LRRN3: variants seen among roughly 807,000 people sequenced by gnomAD.
The protein encoded by LRRN3 is leucine rich repeat neuronal 3.
Under a neutral mutation model 40.1 loss-of-function variants are expected in LRRN3, and 15 were observed. The ratio of observed to expected loss-of-function variants is 0.37; its 90% CI spans 0.25 to 0.58. LRRN3 has a LOEUF of 0.58. Among genes scored for constraint, LRRN3 ranks in the 20% least tolerant of loss-of-function variants. The pLI is 0.72. For missense variants in LRRN3, 746 were observed against 837.7 expected (o/e 0.89, Z 1.35); for synonymous variants, 308 against 297.2 (o/e 1.04, Z -0.37).
At chr7:111,110,730 C>T (rs556827463) in intron 2 of LRRN3, among the ~76,000 whole-genome samples, 152 of 152,240 alleles carry the variant, frequency 1.0e-3, no homozygotes, top group African/African-American at 3.4e-3. Context: ...TGAACTATTT[C>T]TGCAGTAGAC....
chr7:111,105,901 T>C (rs1347668273), intron 2 of LRRN3, among the ~76,000 whole-genome samples: 2 of 151,942 alleles, frequency 1.3e-5, no homozygotes, highest in South Asian at 2.1e-4. Flanking sequence ...ACTCCACTGA[T>C]GTATGTATCA....
chr7:111,123,295 A>G lies in LRRN3; in HGVS notation c.523A>G (p.Arg175Gly), dbSNP rs1800875996. 6.2e-7 allele frequency: 1 copy of G among 1,613,742 alleles called. No individual in the cohort carries two copies. Among genetic ancestry groups the G allele is most frequent in the Admixed American group, 1.7e-5 (1 of 59,938 alleles). Reference protein sequence around the residue: ...NLLRLHLNSNRLQMINSKWFD... With the variant: ...NLLRLHLNSNGLQMINSKWFD... Reference sequence around the variant, plus strand: ...TCTTCGACTTCATCTCAATTCAAATAGATTGCAGATGATCAACAGTAAGTG... The same window carrying G: ...TCTTCGACTTCATCTCAATTCAAATGGATTGCAGATGATCAACAGTAAGTG... Residue 175 changes from arginine to glycine, a missense_variant, in exon 3 of 3, where the codon AGA (arginine) becomes GGA (glycine). Transcript: ENST00000308478. This position sits in a 1 kb window ranked among gnomAD's most constrained non-coding sequence, Gnocchi z 6.4.
At chr7:111,120,661 G>A (rs983807554) in intron 2 of LRRN3, among the ~76,000 whole-genome samples, 4 of 152,114 alleles carry the variant, frequency 2.6e-5, no homozygotes, top group African/African-American at 4.8e-5. Flanking sequence ...CTTTAGTTAC[G>A]AATGATAACA....
At chr7:111,095,537 T>C (rs1797312695) in intron 1 of LRRN3, among the ~76,000 whole-genome samples, 1 of 152,020 alleles carries the variant, frequency 6.6e-6, no homozygotes, top group Admixed American at 6.6e-5. Flanking sequence ...ATTAAGTATA[T>C]AACACCCAAA....
intron 2 of LRRN3, among the ~76,000 whole-genome samples, chr7:111,102,756 G>A (rs1482471374): frequency 6.6e-6 from 1 of 151,370 alleles, no homozygotes; most frequent in Non-Finnish European, 1.5e-5. Context: ...ACTACTCTGG[G>A]ACATTCCATC....
At chr7:111,122,011 T>G (rs1215877029) in intron 2 of LRRN3, among the ~76,000 whole-genome samples, 1 of 143,624 alleles carries the variant, frequency 7.0e-6, no homozygotes, top group Non-Finnish European at 1.5e-5. Context: ...TTCTCACTCA[T>G]AGTTGGGAAC....
In LRRN3 at chr7:111,123,298, T is replaced by C. The variant is rs982110065; in HGVS notation, c.526T>C (p.Leu176=). 2 of 1,613,844 alleles carry C rather than the reference T, an allele frequency of 1.2e-6. No individual in the cohort carries two copies. The highest frequency in any genetic ancestry group is 1.7e-6 in the Non-Finnish European group (2 of 1,179,924). The change falls in exon 3 of 3, where the codon TTG becomes CTG. Residue 176 remains leucine (L), a synonymous_variant. Coordinates refer to ENST00000308478, the MANE Select transcript of LRRN3 (RefSeq NM_001099658.2). The surrounding 1 kb of genome is among the most constrained non-coding windows in gnomAD (Gnocchi z 6.4). ...TCGACTTCATCTCAATTCAAATAGA[T>C]TGCAGATGATCAACAGTAAGTGGTT... ...LLRLHLNSNR[L]QMINSKWFDA... is the part of the protein sequence containing the mutation.
chr7:111,103,715 C>T (rs1798231638), intron 2 of LRRN3, among the ~76,000 whole-genome samples: 1 of 151,676 alleles, frequency 6.6e-6, no homozygotes, highest in South Asian at 2.1e-4. Flanking sequence ...AGTAACCACT[C>T]TGTATGTGTC....
chr7:111,109,219 C>A (rs1455915002), intron 2 of LRRN3, among the ~76,000 whole-genome samples: 1 of 151,760 alleles, frequency 6.6e-6, no homozygotes. Context: ...ATGTTCATTG[C>A]CAGCTACATG....
At chr7:111,107,169 C>T (rs368963379) in intron 2 of LRRN3, among the ~76,000 whole-genome samples, 5 of 26,768 alleles carry the variant, frequency 1.9e-4, no homozygotes, top group African/African-American at 6.0e-4. Flanking sequence ...TCCTTCTTTC[C>T]CCTTTCCCTC....
Position 111,124,444 on chromosome 7 carries a change from G to A in LRRN3, c.1672G>A (p.Val558Ile). The A allele has an allele frequency of 1.2e-6, 2 of 1,613,818 alleles. No individual in the cohort carries two copies. Among genetic ancestry groups the A allele is most frequent in the Non-Finnish European group, 1.7e-6 (2 of 1,179,912 alleles). Residue 558 changes from valine (V) to isoleucine (I), a missense_variant, in exon 3 of 3, where the codon GTC (valine) becomes ATC (isoleucine). Transcript: ENST00000308478. ...LKSSVKWTAF[V>I]KTENSHAAQS... ...ATCTAGTGTTAAATGGACAGCCTTT[G>A]TCAAGACTGAAAATTCTCATGCTGC... is the stretch of plus-strand genomic sequence containing the variant.
rs974962741 is a variant in LRRN3 at position 111,116,912 on chromosome 7, T to G, written c.-358-5503T>G. Among the ~76,000 whole-genome samples, 43 of 152,234 alleles carry G rather than the reference T, an allele frequency of 2.8e-4. 1 individual carries two copies. Among genetic ancestry groups the G allele is most frequent in the Admixed American group, 2.8e-3 (43 of 15,298 alleles). On this transcript the variant is annotated intron_variant, in intron 2 of 2. Transcript: ENST00000308478. ...AGAACTTAGTGGTTAAGACTGAGCTTTAGAGGCAAAATGAAGGAATTTGAA... is the reference window on the plus strand; with the variant it reads ...AGAACTTAGTGGTTAAGACTGAGCTGTAGAGGCAAAATGAAGGAATTTGAA...
Position 111,091,305 on chromosome 7 carries a change from A to G in LRRN3, c.-640A>G, listed in dbSNP as rs1796838144. 1 of 152,194 alleles carries G rather than the reference A, an allele frequency of 6.6e-6. No individual in the cohort carries two copies. Among genetic ancestry groups the G allele is most frequent in the Non-Finnish European group, 1.5e-5 (1 of 68,042 alleles). 9.4% of individuals were successfully genotyped at this position (152,194 alleles called of 1,614,324 possible). On this transcript the variant is annotated 5_prime_UTR_variant, in exon 1 of 3. In the 5' UTR this introduces an upstream ATG that the reference lacks. Transcript: ENST00000308478. ...GCTGCAGCCTCCTGCCTTCCTTTAT[A>G]TTTTAAAATAGAGAGATAAGATTGC...
chr7:111,122,684 C>T lies in LRRN3; in HGVS notation c.-89C>T. The stretch of plus-strand genomic sequence containing the variant: ...TTCATCATTTGACAAATGCAAGCAT[C>T]TTCCTTATCAATCAGCTCCTATTGA... On this transcript the variant is annotated 5_prime_UTR_variant, in exon 3 of 3. Transcript: ENST00000308478. The T allele has an allele frequency of 3.9e-6, 4 of 1,022,532 alleles. No individual in the cohort carries two copies. The highest frequency in any genetic ancestry group is 5.8e-6 in the Non-Finnish European group (4 of 687,194). 63.3% of individuals were successfully genotyped at this position (1,022,532 alleles called of 1,614,324 possible).
rs534320517 is a variant in LRRN3, at chr7:111,108,822, AT to A, written c.-359+8867del. On this transcript the variant is annotated intron_variant, in intron 2 of 2. Transcript: ENST00000308478. Reference sequence around the variant, plus strand: ...CACAAATGAGTACCTCGTACAGCAAATTTTTTTAAATGTATAATAAGATGGA... The same window carrying A: ...CACAAATGAGTACCTCGTACAGCAAATTTTTTAAATGTATAATAAGATGGA... Among the ~76,000 whole-genome samples, 1,433 of 152,240 alleles carry A rather than the reference AT, an allele frequency of 9.4e-3. 21 individuals carry two copies. Among genetic ancestry groups the A allele is most frequent in the African/African-American group, 0.032 (1,328 of 41,554 alleles).
At chr7:111,118,294 A>C (rs1170082821) in intron 2 of LRRN3, among the ~76,000 whole-genome samples, 1 of 152,162 alleles carries the variant, frequency 6.6e-6, no homozygotes, top group Non-Finnish European at 1.5e-5. Flanking sequence ...ATGATGAAAA[A>C]CAGATAAAGA....
At chr7:111,108,902 T>C (rs887636862) in intron 2 of LRRN3, among the ~76,000 whole-genome samples, 5 of 152,200 alleles carry the variant, frequency 3.3e-5, no homozygotes, top group African/African-American at 9.6e-5. Context: ...AGATATTTAT[T>C]GAACAACAAT....
chr7:111,124,087 T>C lies in LRRN3; in HGVS notation c.1315T>C (p.Tyr439His), dbSNP rs1347812574. Residue 439 changes from tyrosine (Y) to histidine (H), a missense_variant, in exon 3 of 3, where the codon TAT becomes CAT. Transcript: ENST00000308478. The stretch of plus-strand genomic sequence containing the variant: ...TAATCTAAATGTAGAAGCTGGGAGC[T>C]ATGTTTCCTTTCACTGTAGAGCTAC... ...PSNLNVEAGS[Y>H]VSFHCRATAE... The C allele has an allele frequency of 6.2e-7, 1 of 1,613,902 alleles. No homozygotes were observed. Among genetic ancestry groups the C allele is most frequent in the African/African-American group, 1.3e-5 (1 of 74,910 alleles).
chr7:111,114,496 G>A (rs1218308215), intron 2 of LRRN3, among the ~76,000 whole-genome samples: 1 of 152,168 alleles, frequency 6.6e-6, no homozygotes, highest in African/African-American at 2.4e-5. Context: ...CCAGCACTTT[G>A]TGAGTTCAAG....
Sources: allele counts gnomAD v4.1 joint callset (sites outside exome capture counted in the v4.1 genomes callset), GRCh38; gene constraint gnomAD v4.1.1; non-coding constraint Gnocchi (gnomAD v3.1); transcripts MANE v1.5; gene names NCBI Gene and HGNC (gene_info 2026-07-23, HGNC 2026-07-21).